INSYN2A: variants seen among roughly 807,000 people sequenced by gnomAD.
INSYN2A encodes inhibitory synaptic factor 2A.
INSYN2A carries 17 observed loss-of-function variants against 39.4 expected under a neutral mutation model. The ratio of observed to expected loss-of-function variants is 0.43; its 90% CI spans 0.30 to 0.65. The LOEUF is 0.65. Ranked by LOEUF, INSYN2A falls within the 30% of genes least tolerant of loss-of-function variation. The probability of loss-of-function intolerance (pLI) is 0.14; values close to 1 mark genes in which losing one functional copy is unlikely to be tolerated. For missense variants in INSYN2A, 595 were observed against 631.2 expected (o/e 0.94, Z 0.61); for synonymous variants, 255 against 265.7 (o/e 0.96, Z 0.39).
chr10:127,142,696 C>T (rs1404836411), intron 5 of INSYN2A, among the ~76,000 whole-genome samples: 1 of 152,168 alleles, frequency 6.6e-6, no homozygotes, highest in East Asian at 1.9e-4. Flanking sequence ...TTGTAGCCCT[C>T]TCGCTGCCTG....
At chr10:127,164,717 A>C (rs914186576) in intron 4 of INSYN2A, among the ~76,000 whole-genome samples, 2 of 152,222 alleles carry the variant, frequency 1.3e-5, no homozygotes, top group African/African-American at 4.8e-5. Flanking sequence ...TCATATTTTC[A>C]TAATATAAAA....
chr10:127,167,725 G>A (rs2054209233), intron 4 of INSYN2A, among the ~76,000 whole-genome samples: 1 of 151,896 alleles, frequency 6.6e-6, no homozygotes, highest in South Asian at 2.1e-4. Context: ...CAGCTCCCCT[G>A]CCCGTGACAC....
chr10:127,141,334 A>G (rs1234916744), intron 5 of INSYN2A, among the ~76,000 whole-genome samples: 1 of 152,190 alleles, frequency 6.6e-6, no homozygotes, highest in Admixed American at 6.5e-5. Context: ...GTTTCCAGCA[A>G]CTATAGCAGG....
At chr10:127,157,083 C>T (rs2053156805) in intron 4 of INSYN2A, among the ~76,000 whole-genome samples, 1 of 152,178 alleles carries the variant, frequency 6.6e-6, no homozygotes, top group African/African-American at 2.4e-5. Context: ...AGAAGGGCAA[C>T]ATAAATGCAT....
At chr10:127,159,508 A>C (rs146888165) in intron 4 of INSYN2A, among the ~76,000 whole-genome samples, 50 of 152,300 alleles carry the variant, frequency 3.3e-4, no homozygotes, top group African/African-American at 1.2e-3. Context: ...TTTGTGTGTA[A>C]ATACACACAC....
chr10:127,191,602 A>G (rs1481284096), intron 2 of INSYN2A, among the ~76,000 whole-genome samples: 1 of 152,220 alleles, frequency 6.6e-6, no homozygotes, highest in Non-Finnish European at 1.5e-5. Context: ...ATGAAGAAGG[A>G]CCATTGACAA....
Position 127,136,704 on chromosome 10 carries a change from A to G in INSYN2A, c.*1133T>C, listed in dbSNP as rs1276554027. The G allele has an allele frequency of 6.6e-6, 1 of 152,654 alleles. No individual in the cohort carries two copies. Among genetic ancestry groups the G allele is most frequent in the Non-Finnish European group, 1.5e-5 (1 of 68,042 alleles). The allele number at this position is 152,654 out of a possible 1,614,324, so 9.5% of individuals were successfully genotyped here. ...GTTGATTTAAAAAATACCTAAAAAC[A>G]TTTGATTCACAGCTTTCCCCTAAGT... On this transcript the variant is annotated 3_prime_UTR_variant, in exon 6 of 6. Coordinates refer to ENST00000522781, the MANE Select transcript of INSYN2A (RefSeq NM_001039762.3).
intron 2 of INSYN2A, among the ~76,000 whole-genome samples, chr10:127,177,560 G>A (rs1564874331): frequency 6.6e-6 from 1 of 152,228 alleles, no homozygotes; most frequent in East Asian, 1.9e-4. Flanking sequence ...CGGGGCCCGA[G>A]TGGCTGGAGC....
chr10:127,168,243 G>C (rs74158630), intron 4 of INSYN2A, among the ~76,000 whole-genome samples: 2,344 of 152,316 alleles, frequency 0.015, 53 homozygotes, highest in African/African-American at 0.047. Flanking sequence ...ACCTCAGCCA[G>C]CTGGCTGGAA....
chr10:127,173,895 G>T lies in INSYN2A; in HGVS notation c.1184+1317C>A, dbSNP rs545862825. ...TACTGTTAAGATTTTTGTACATTTGGCTGGCAGTTCTTTTTGCTTAAGAGC... is the reference window on the plus strand; with the variant it reads ...TACTGTTAAGATTTTTGTACATTTGTCTGGCAGTTCTTTTTGCTTAAGAGC... On this transcript the variant is annotated intron_variant, in intron 4 of 5. Coordinates refer to ENST00000522781, the MANE Select transcript of INSYN2A (RefSeq NM_001039762.3). Among the ~76,000 whole-genome samples the T allele has an allele frequency of 8.5e-5, 13 of 152,278 alleles. 1 individual carries two copies. In the South Asian group the frequency reaches 2.7e-3, roughly 32 times the overall value.
Position 127,161,991 on chromosome 10 carries a change from G to T in INSYN2A, c.1185-8068C>A, listed in dbSNP as rs57481051. Among the ~76,000 whole-genome samples, 855 of 152,316 alleles carry T rather than the reference G, an allele frequency of 5.6e-3. 3 individuals are homozygous for T. Among genetic ancestry groups the T allele is most frequent in the African/African-American group, 0.02 (822 of 41,570 alleles). ...TGGAAAACTGTCTCCCATGTTTTCT[G>T]CTCAGGACGTTGATGATGGGACAGG... On this transcript the variant is annotated intron_variant, in intron 4 of 5. Coordinates refer to ENST00000522781, the MANE Select transcript of INSYN2A (RefSeq NM_001039762.3).
rs537584778 is a variant in INSYN2A, at chr10:127,136,856, G to A, written c.*981C>T. ...TTCCACCATTAATACAAAGCATAAC[G>A]AATTGTACATAACGTCTGGCTGCAC... On this transcript the variant is annotated 3_prime_UTR_variant, in exon 6 of 6. Coordinates refer to ENST00000522781, the MANE Select transcript of INSYN2A (RefSeq NM_001039762.3). 7 of 152,578 alleles carry A rather than the reference G, an allele frequency of 4.6e-5. No individual in the cohort carries two copies. The highest frequency in any genetic ancestry group is 1.9e-4 in the East Asian group (1 of 5,168). 9.5% of individuals were successfully genotyped at this position (152,578 alleles called of 1,614,324 possible). A position where few individuals can be genotyped will look rare whatever the true frequency, so the allele number is the denominator to read the frequency against.
intron 4 of INSYN2A, among the ~76,000 whole-genome samples, chr10:127,173,819 T>C (rs9418752): frequency 0.5 from 76,586 of 152,080 alleles, 20,842 homozygotes; most frequent in East Asian, 0.75. Flanking sequence ...AAACCCAAGA[T>C]TGAACAAGGC....
At chr10:127,186,507 G>GGC (rs2056257465) in intron 2 of INSYN2A, among the ~76,000 whole-genome samples, 1 of 5,912 alleles carries the variant, frequency 1.7e-4, no homozygotes, top group African/African-American at 3.2e-4. Context: ...GGGAGAAACC[G>GGC]CCCCCCCGCC....
chr10:127,142,923 G>C (rs2051407918), intron 5 of INSYN2A, among the ~76,000 whole-genome samples: 1 of 152,182 alleles, frequency 6.6e-6, no homozygotes, highest in African/African-American at 2.4e-5. Context: ...CATTTCCAAA[G>C]AAAGAAGAAT....
chr10:127,166,775 AT>A (rs199633584), intron 4 of INSYN2A, among the ~76,000 whole-genome samples: 25 of 150,308 alleles, frequency 1.7e-4, no homozygotes, highest in Middle Eastern at 3.5e-3. Context: ...CTTGCATTTC[AT>A]TTTTTTTTTA....
At chr10:127,172,583 A>G (rs748408106) in intron 4 of INSYN2A, among the ~76,000 whole-genome samples, 1 of 152,190 alleles carries the variant, frequency 6.6e-6, no homozygotes, top group South Asian at 2.1e-4. Flanking sequence ...AGGGGGCCCC[A>G]TAAGGTGGCC....
intron 4 of INSYN2A, among the ~76,000 whole-genome samples, chr10:127,155,578 C>G (rs1275856141): frequency 6.6e-6 from 1 of 152,128 alleles, no homozygotes; most frequent in African/African-American, 2.4e-5. Flanking sequence ...TTATCCCCTC[C>G]CCTTGTTCCT....
intron 4 of INSYN2A, among the ~76,000 whole-genome samples, chr10:127,167,079 C>A (rs1020306643): frequency 1.3e-5 from 2 of 151,918 alleles, no homozygotes; most frequent in African/African-American, 4.8e-5. Context: ...CTTTATTTTT[C>A]ATATTAGAGA....
Sources: allele counts gnomAD v4.1 joint callset (sites outside exome capture counted in the v4.1 genomes callset), GRCh38; gene constraint gnomAD v4.1.1; transcripts MANE v1.5; gene names NCBI Gene and HGNC (gene_info 2026-07-23, HGNC 2026-07-21).